Variants in MYLK observed in about 807,000 individuals in gnomAD.
MYLK encodes myosin light chain kinase, also known as myosin light chain kinase, smooth muscle.
Under a neutral mutation model 203.4 loss-of-function variants are expected in MYLK, and 106 were observed. The observed-to-expected ratio is 0.52, with a 90% CI of 0.45 to 0.61. The LOEUF is 0.61. Among genes scored for constraint, MYLK ranks in the 20% least tolerant of loss-of-function variants. The pLI is 0.00. For missense variants in MYLK, 2,072 were observed against 2,442.3 expected (o/e 0.85, Z 3.20); for synonymous variants, 867 against 959.5 (o/e 0.90, Z 1.78).
chr3:123,673,253 G>C (rs1180285121), intron 20 of MYLK, among the ~76,000 whole-genome samples: 1 of 147,456 alleles, frequency 6.8e-6, no homozygotes, highest in Non-Finnish European at 1.5e-5. Context: ...GCCTCGACCT[G>C]CTGGGCTAAA....
chr3:123,875,203 T>C (rs1257786486), intron 2 of MYLK, among the ~76,000 whole-genome samples: 1 of 152,170 alleles, frequency 6.6e-6, no homozygotes, highest in Non-Finnish European at 1.5e-5. Flanking sequence ...CACCTCAAAC[T>C]GGAAACAGCC....
chr3:123,733,102 A>G lies in MYLK; in HGVS notation c.1310T>C (p.Val437Ala), dbSNP rs559196267. Reference protein sequence around the residue: ...ENQTVKFRCEVSGIPKPEVAW... With the variant: ...ENQTVKFRCEASGIPKPEVAW... ...CACTTCAGGCTTTGGAATCCCGGAA[A>G]CTACAGGGCCAGGTAAAGAACGTGA... Residue 437 changes from valine to alanine, a missense_variant and splice_region_variant, in exon 11 of 34, where the codon GTT becomes GCT. Physicochemically the swap from Val to Ala is moderately conservative, Grantham distance 64. Coordinates refer to ENST00000360304, the MANE Select transcript of MYLK (RefSeq NM_053025.4). 10 of 1,613,608 alleles carry G rather than the reference A, an allele frequency of 6.2e-6. No individual in the cohort carries two copies. In the South Asian group the frequency reaches 8.8e-5, roughly 14 times the overall value.
intron 19 of MYLK, among the ~76,000 whole-genome samples, chr3:123,686,535 C>T (rs1314514166): frequency 6.6e-6 from 1 of 152,082 alleles, no homozygotes; most frequent in African/African-American, 2.4e-5. Flanking sequence ...GTTGGCTCAT[C>T]CCTCCTTGCT....
At chr3:123,712,005 G>A (rs1014463363) in intron 13 of MYLK, among the ~76,000 whole-genome samples, 1 of 152,202 alleles carries the variant, frequency 6.6e-6, no homozygotes, top group Non-Finnish European at 1.5e-5. Context: ...GAAGGTCCAG[G>A]AGGCTGGAGG....
intron 14 of MYLK, 48 bp from the exon 15 acceptor site, chr3:123,708,943 G>C (rs369765433): frequency 6.5e-7 from 1 of 1,540,538 alleles, no homozygotes; most frequent in South Asian, 1.1e-5. Flanking sequence ...GGTCCTCCCC[G>C]GCCATGCAGC....
intron 23 of MYLK, among the ~76,000 whole-genome samples, chr3:123,660,430 G>A (rs1425598506): frequency 1.3e-5 from 2 of 152,144 alleles, no homozygotes; most frequent in East Asian, 1.9e-4. Flanking sequence ...CTGGGTGAGT[G>A]ACCTTAAGGA....
At position 123,614,369 on chromosome 3, in the gene MYLK, C is replaced by T. The variant is rs186240444; in HGVS notation, c.5501-20G>A. The T allele has an allele frequency of 2.5e-4, 396 of 1,614,076 alleles. 1 individual carries two copies. In the African/African-American group the frequency reaches 4.9e-3, roughly 20 times the overall value. On this transcript the variant is annotated intron_variant, in intron 33 of 33. Coordinates refer to ENST00000360304, the MANE Select transcript of MYLK (RefSeq NM_053025.4). ...GGTATCCTGCATCACAGGGAGAGAA[C>T]ACAAGTTGCAGGAACTGTTATTCAA...
intron 20 of MYLK, among the ~76,000 whole-genome samples, chr3:123,673,161 C>CTTTT (rs761090869): frequency 3.7e-5 from 5 of 136,958 alleles, no homozygotes; most frequent in African/African-American, 1.4e-4. Context: ...TTTTTCTTTT[C>CTTTT]TTTTTTTTTT....
chr3:123,754,682 G>A (rs539738323), intron 4 of MYLK, among the ~76,000 whole-genome samples: 36 of 152,312 alleles, frequency 2.4e-4, no homozygotes, highest in African/African-American at 7.9e-4. Context: ...GGTTAGGATT[G>A]TGAGTCTCCT....
Position 123,638,128 on chromosome 3 carries a change from T to C in MYLK, c.4904A>G (p.Tyr1635Cys). The C allele has an allele frequency of 1.2e-6, 2 of 1,614,140 alleles. No homozygotes were observed. Among genetic ancestry groups the C allele is most frequent in the Admixed American group, 1.7e-5 (1 of 60,026 alleles). Residue 1635 changes from tyrosine (Y) to cysteine (C), a missense_variant, in exon 29 of 34, where the codon TAT becomes TGT. Physicochemically the swap from Tyr to Cys is radical, Grantham distance 194. This residue lies in a region of MYLK where 524 missense variants were observed against 782.4 expected (regional missense o/e 0.67). Transcript: ENST00000360304. ...GTCTGTGGCGTAGCCGATGGGCTCA[T>C]AGTTGATCACTTCAGGAGCCACAAA... Reference protein sequence around the residue: ...PEFVAPEVINYEPIGYATDMW... With the variant: ...PEFVAPEVINCEPIGYATDMW...
At chr3:123,631,054 G>A (rs999984791) in intron 29 of MYLK, among the ~76,000 whole-genome samples, 2 of 152,144 alleles carry the variant, frequency 1.3e-5, no homozygotes, top group Non-Finnish European at 2.9e-5. Context: ...CACCTTTCAT[G>A]TTGCAAATTG....
intron 8 of MYLK, chr3:123,735,806 T>TA (rs985075353): frequency 5.3e-6 from 1 of 188,734 alleles, no homozygotes; most frequent in Admixed American, 5.3e-5. Flanking sequence ...AGAAAAAACA[T>TA]AAAATACATA....
At position 123,699,864 on chromosome 3, in the gene MYLK, C is replaced by T. The variant is rs570018906; in HGVS notation, c.3448+156G>A. Among the ~76,000 whole-genome samples, 10 of 152,276 alleles carry T rather than the reference C, an allele frequency of 6.6e-5. No homozygotes were observed. The East Asian group carries it at 1.4e-3, about 21-fold the overall frequency. On this transcript the variant is annotated intron_variant, in intron 18 of 33. Transcript: ENST00000360304. The stretch of plus-strand genomic sequence containing the variant: ...TCCTTGAGTTAGCAGGAAACAGGGA[C>T]GCGGCCCTCCTACCCAGCAGGCCCT...
chr3:123,648,391 G>A lies in MYLK; in HGVS notation c.4415+580C>T, dbSNP rs979087690. ...TTGCTTTACAGTGAGCACTGATCAG[G>A]CTACACTGACTTCTGTGGATCAAAT... On this transcript the variant is annotated intron_variant, in intron 26 of 33. Coordinates refer to ENST00000360304, the MANE Select transcript of MYLK (RefSeq NM_053025.4). This position sits in a 1 kb window ranked among gnomAD's most constrained non-coding sequence, Gnocchi z 4.5. Among the ~76,000 whole-genome samples, 2 of 152,178 alleles carry A rather than the reference G, an allele frequency of 1.3e-5. No individual in the cohort carries two copies. The highest frequency in any genetic ancestry group is 6.5e-5 in the Admixed American group (1 of 15,278).
intron 33 of MYLK, chr3:123,616,958 A>G (rs2057533268): frequency 6.6e-6 from 1 of 152,218 alleles, no homozygotes; most frequent in South Asian, 2.1e-4. Context: ...AAAATTATAC[A>G]TAAGAAATCA....
At chr3:123,837,540 T>A (rs1346782624) in intron 2 of MYLK, among the ~76,000 whole-genome samples, 1 of 147,008 alleles carries the variant, frequency 6.8e-6, no homozygotes, top group Non-Finnish European at 1.5e-5. Context: ...ACATATTTTA[T>A]ATATATATGC....
At chr3:123,777,074 G>T (rs1252821681) in intron 4 of MYLK, among the ~76,000 whole-genome samples, 1 of 152,190 alleles carries the variant, frequency 6.6e-6, no homozygotes, top group Non-Finnish European at 1.5e-5. Context: ...GTAGAATATT[G>T]CATTTTTACT....
chr3:123,633,913 T>C (rs1576379265), intron 29 of MYLK, among the ~76,000 whole-genome samples: 2 of 152,042 alleles, frequency 1.3e-5, no homozygotes, highest in East Asian at 3.9e-4. Flanking sequence ...GAACTCCTGA[T>C]CTCAAGTGAT....
At chr3:123,881,348 C>T (rs1344458428) in intron 1 of MYLK, among the ~76,000 whole-genome samples, 2 of 152,134 alleles carry the variant, frequency 1.3e-5, no homozygotes, top group Non-Finnish European at 2.9e-5. Flanking sequence ...CTGCATGCAC[C>T]CTCTGCTGGC....
Sources: gnomAD v4.1 joint callset for allele counts (sites outside exome capture counted in the v4.1 genomes callset) on GRCh38, gnomAD v4.1.1 for gene constraint, gnomAD v4.1.1 regional missense constraint, Gnocchi (gnomAD v3.1) non-coding constraint, MANE v1.5 for transcripts, NCBI Gene and HGNC (gene_info 2026-07-23, HGNC 2026-07-21) for gene names.